PABPC4L: variants seen among roughly 807,000 people sequenced by gnomAD.
The protein encoded by PABPC4L is poly(A) binding protein cytoplasmic 4 like.
For missense variants in PABPC4L, 452 were observed against 451.4 expected (o/e 1.00, Z -0.01); for synonymous variants, 169 against 164.1 (o/e 1.03, Z -0.23).
At chr4:134,052,830 A>T in the PABPC4L span, among the ~76,000 whole-genome samples, 2 of 152,264 alleles carry the variant, frequency 1.3e-5, no homozygotes, top group Admixed American at 1.3e-4. Flanking sequence ...TTTTACAAGA[A>T]GAAATAAAAA....
the PABPC4L span, among the ~76,000 whole-genome samples, chr4:133,998,380 T>C: frequency 6.6e-6 from 1 of 151,656 alleles, no homozygotes; most frequent in Non-Finnish European, 1.5e-5. Flanking sequence ...GTTATCTCTA[T>C]AATACATCAT....
At chr4:134,185,446 A>G in the PABPC4L span, among the ~76,000 whole-genome samples, 4 of 152,184 alleles carry the variant, frequency 2.6e-5, no homozygotes, top group Admixed American at 6.5e-5. Flanking sequence ...CCACATGATT[A>G]TCTCAATAGA....
the PABPC4L span, among the ~76,000 whole-genome samples, chr4:133,968,832 G>T: frequency 6.6e-6 from 1 of 152,112 alleles, no homozygotes; most frequent in Admixed American, 6.6e-5. Context: ...TTTATCTCAA[G>T]CCATACAAGA....
chr4:134,114,369 C>T, the PABPC4L span, among the ~76,000 whole-genome samples: 4 of 151,590 alleles, frequency 2.6e-5, no homozygotes, highest in Non-Finnish European at 4.4e-5. Context: ...AATAAGCAAA[C>T]AGAATGTAGA....
At chr4:134,020,857 T>C in the PABPC4L span, among the ~76,000 whole-genome samples, 3 of 152,174 alleles carry the variant, frequency 2.0e-5, no homozygotes, top group African/African-American at 7.2e-5. Context: ...TTATATATAA[T>C]TGACAACTAC....
intron 1 of PABPC4L, 124 bp from the exon 2 acceptor site, chr4:134,201,369 T>A (rs1263429572): frequency 9.0e-7 from 1 of 1,111,478 alleles, no homozygotes; most frequent in African/African-American, 1.6e-5. Flanking sequence ...TGGTCGCTGG[T>A]TTCTGAATAA....
At chr4:134,039,156 G>A in the PABPC4L span, among the ~76,000 whole-genome samples, 1 of 152,042 alleles carries the variant, frequency 6.6e-6, no homozygotes, top group South Asian at 2.1e-4. Flanking sequence ...TTAATTCTGA[G>A]TTCTAACGTC....
the PABPC4L span, among the ~76,000 whole-genome samples, chr4:134,104,490 C>CA: frequency 0.71 from 107,127 of 151,398 alleles, 39,441 homozygotes; most frequent in East Asian, 1. Flanking sequence ...GACCCATATG[C>CA]CATATAAGCT....
chr4:134,094,175 C>T, the PABPC4L span, among the ~76,000 whole-genome samples: 1 of 151,856 alleles, frequency 6.6e-6, no homozygotes. Flanking sequence ...TGTTACGAAG[C>T]TTGATGAAAT....
At chr4:134,030,205 C>T in the PABPC4L span, among the ~76,000 whole-genome samples, 1 of 151,972 alleles carries the variant, frequency 6.6e-6, no homozygotes, top group Non-Finnish European at 1.5e-5. Context: ...TGTAAAGATA[C>T]CCGAAAATGT....
chr4:134,119,337 C>T, the PABPC4L span, among the ~76,000 whole-genome samples: 1 of 151,582 alleles, frequency 6.6e-6, no homozygotes, highest in Non-Finnish European at 1.5e-5. Context: ...ATTTTAAATG[C>T]TTTTTAAAGA....
the PABPC4L span, among the ~76,000 whole-genome samples, chr4:134,179,716 T>C: frequency 6.6e-6 from 1 of 151,710 alleles, no homozygotes; most frequent in African/African-American, 2.4e-5. Context: ...ATGCAAAACA[T>C]AAAGAGGCAG....
the PABPC4L span, among the ~76,000 whole-genome samples, chr4:134,064,100 C>G: frequency 2.0e-5 from 3 of 151,908 alleles, no homozygotes; most frequent in African/African-American, 7.2e-5. Context: ...AACTTATTCT[C>G]CACGATAATT....
the PABPC4L span, among the ~76,000 whole-genome samples, chr4:134,074,216 T>C: frequency 6.6e-6 from 1 of 152,002 alleles, no homozygotes; most frequent in Non-Finnish European, 1.5e-5. Flanking sequence ...CCCTAAATCG[T>C]CTCTCTCAAT....
the PABPC4L span, among the ~76,000 whole-genome samples, chr4:134,018,960 T>G: frequency 6.6e-6 from 1 of 152,130 alleles, no homozygotes; most frequent in Non-Finnish European, 1.5e-5. Context: ...ACTCCTGACA[T>G]TTTTTGTGTT....
At chr4:134,170,714 T>A in the PABPC4L span, among the ~76,000 whole-genome samples, 2 of 151,896 alleles carry the variant, frequency 1.3e-5, no homozygotes, top group African/African-American at 2.4e-5. Flanking sequence ...TCATGAGAAA[T>A]CCATTACCAT....
chr4:134,141,366 A>G, the PABPC4L span, among the ~76,000 whole-genome samples: 1 of 151,282 alleles, frequency 6.6e-6, no homozygotes. Context: ...ACAAACTTGG[A>G]TAAAAATGAA....
chr4:134,034,483 C>T, the PABPC4L span, among the ~76,000 whole-genome samples: 1 of 152,028 alleles, frequency 6.6e-6, no homozygotes, highest in East Asian at 1.9e-4. Context: ...CCTCTGATGG[C>T]TGTGAGCAAA....
the PABPC4L span, among the ~76,000 whole-genome samples, chr4:133,958,513 C>T: frequency 1.3e-5 from 2 of 152,130 alleles, no homozygotes; most frequent in East Asian, 1.9e-4. Context: ...TATAGCAGTG[C>T]CCCACTACTC....
Sources: allele counts gnomAD v4.1 joint callset (sites outside exome capture counted in the v4.1 genomes callset), GRCh38; gene constraint gnomAD v4.1.1; transcripts MANE v1.5; gene names NCBI Gene and HGNC (gene_info 2026-07-23, HGNC 2026-07-21).